The following POLE variants were observed in gnomAD, a reference collection of about 807,000 sequenced individuals.
POLE encodes DNA polymerase epsilon, catalytic subunit, also known as DNA polymerase epsilon catalytic subunit A.
Under a neutral mutation model 279.2 loss-of-function variants are expected in POLE, and 188 were observed. The ratio of observed to expected loss-of-function variants is 0.67; its 90% CI spans 0.60 to 0.76. The LOEUF is 0.76. Among genes scored for constraint, POLE ranks in the 30% least tolerant of loss-of-function variants. The pLI is 0.00. For synonymous variants in POLE, 1,214 were observed against 1,172.5 expected, an observed-to-expected ratio of 1.04 and a Z score of -0.72; for missense variants, 2,703 against 3,016.7, an observed-to-expected ratio of 0.90 and a Z score of 2.44.
intron 45 of POLE, among the ~76,000 whole-genome samples, chr12:132,627,192 G>A (rs2138436344): frequency 6.6e-6 from 1 of 151,958 alleles, no homozygotes; most frequent in South Asian, 2.1e-4. Flanking sequence ...CTGAAGCAGG[G>A]AATCGCTTGA....
At chr12:132,674,297 CCCGCAGCCTCCACCCT>C (rs1406189414) in intron 12 of POLE, among the ~76,000 whole-genome samples, 2 of 152,220 alleles carry the variant, frequency 1.3e-5, no homozygotes, top group African/African-American at 4.8e-5. Context: ...GTCTCCACCC[CCCGCAGCCTCCACCCT>C]GTGGCCTTCT....
chr12:132,632,225 G>C (rs1220299500), intron 45 of POLE, 90 bp downstream of exon 45: 20 of 980,870 alleles, frequency 2.0e-5, no homozygotes, highest in Non-Finnish European at 1.3e-5. Context: ...CATGGTGCAC[G>C]CATTACAGCC....
In POLE at chr12:132,676,229, C is replaced by T. The variant is rs377246932; in HGVS notation, c.910-25G>A. The T allele has an allele frequency of 3.3e-6, 5 of 1,518,228 alleles. No individual in the cohort carries two copies. The African/African-American group carries it at 4.1e-5, about 12-fold the overall frequency. 94.0% of individuals were successfully genotyped at this position (1,518,228 alleles called of 1,614,324 possible). ...CCTAGCCAAGTTCATTAGCAATCAG[C>T]ACAAGTCAGAGGCTGCAAAGCCAAG... On this transcript the variant is annotated intron_variant, in intron 9 of 48. Transcript: ENST00000320574.
Position 132,664,514 on chromosome 12 carries a change from G to C in POLE, c.2469-52C>G. On this transcript the variant is annotated intron_variant, in intron 21 of 48. Coordinates refer to ENST00000320574, the MANE Select transcript of POLE (RefSeq NM_006231.4). The surrounding 1 kb of genome is among the most constrained non-coding windows in gnomAD (Gnocchi z 5.3). Reference sequence around the variant, plus strand: ...TGGGGCTGGCATGGCTCCTCCAGGGGGTATCAGAGGCAGTGAGGAGTAGGG... The same window carrying C: ...TGGGGCTGGCATGGCTCCTCCAGGGCGTATCAGAGGCAGTGAGGAGTAGGG... The C allele has an allele frequency of 7.3e-7, 1 of 1,366,642 alleles. No individual in the cohort carries two copies. 84.7% of individuals were successfully genotyped at this position (1,366,642 alleles called of 1,614,324 possible). A position where few individuals can be genotyped will look rare whatever the true frequency, so the allele number is the denominator to read the frequency against.
rs1555220994 is a variant in POLE at position 132,632,770 on chromosome 12, G to A, written c.6030C>T (p.Cys2010=). The A allele has an allele frequency of 9.9e-6, 16 of 1,611,218 alleles. No individual in the cohort carries two copies. Among genetic ancestry groups the A allele is most frequent in the African/African-American group, 1.3e-5 (1 of 75,030 alleles). ...CACTGCGCCTCAGCCCGTCCTTCAT[G>A]CAGTGGTACACGGCCACGATGTACG... ...VSAYIVAVYH[C]MKDGLRRSAP... Residue 2010 remains cysteine, a synonymous_variant, in exon 44 of 49, where the codon TGC becomes TGT. Transcript: ENST00000320574.
Position 132,649,823 on chromosome 12 carries a change from G to C in POLE, c.3649C>G (p.Leu1217Val). The C allele has an allele frequency of 6.2e-7, 1 of 1,614,138 alleles. No homozygotes were observed. The highest frequency in any genetic ancestry group is 1.3e-5 in the African/African-American group (1 of 75,036). ...GCTGCTGGGTGAGGCAGCTTTACGA[G>C]GCCGAAGTCCTCCATGTCAGGAGCA... is the stretch of plus-strand genomic sequence containing the variant. ...PSAPDMEDFGLVKLPHPAAPV... is the reference protein window; with the variant it reads ...PSAPDMEDFGVVKLPHPAAPV... Residue 1217 changes from leucine (L) to valine (V), a missense_variant, in exon 30 of 49, where the codon CTC becomes GTC. Leu to Val is a conservative substitution (Grantham distance 32). Transcript: ENST00000320574.
rs934958443 is a variant in POLE, at chr12:132,632,707, G to A, written c.6093C>T (p.Ser2031=). The change falls in exon 44 of 49, where the codon AGC becomes AGT. Residue 2031 remains serine (S), a synonymous_variant. Transcript: ENST00000320574. Reference sequence around the variant, plus strand: ...CCCCCTCGGCCTCCTGGGAGAGCTGGCTGGCCCCCCTCCTCCTCACGGGGG... The same window carrying A: ...CCCCCTCGGCCTCCTGGGAGAGCTGACTGGCCCCCCTCCTCCTCACGGGGG... ...GSTPVRRRGA[S]QLSQEAEGAV... is the part of the protein sequence containing the mutation. 2.5e-6 allele frequency: 4 copies of A among 1,613,768 alleles called. No homozygotes were observed. Among genetic ancestry groups the A allele is most frequent in the African/African-American group, 2.7e-5 (2 of 74,902 alleles).
intron 1 of POLE, among the ~76,000 whole-genome samples, 189 bp downstream of exon 1, chr12:132,687,065 T>TAGCGCCTCCGCCCGCCCCG (rs1333597352): frequency 3.3e-5 from 5 of 151,058 alleles, no homozygotes; most frequent in Non-Finnish European, 7.4e-5. Flanking sequence ...GCCGCGCCCG[T>TAGCGCCTCCGCCCGCCCCG]AGCGCCTCCG....
Position 132,675,166 on chromosome 12 carries a change from C to G in POLE, c.1226+232G>C, listed in dbSNP as rs2043016148. Among the ~76,000 whole-genome samples, 1 of 152,342 alleles carries G rather than the reference C, an allele frequency of 6.6e-6. No homozygotes were observed. The highest frequency in any genetic ancestry group is 2.4e-5 in the African/African-American group (1 of 41,582). ...CGTCTTTCCAGCGGCTTCCCCACCC[C>G]AGAGGCTGATGCTCAATGTGCCTGG... On this transcript the variant is annotated intron_variant, in intron 12 of 48. Transcript: ENST00000320574. The surrounding 1 kb of genome is among the most constrained non-coding windows in gnomAD (Gnocchi z 4.3).
chr12:132,641,688 C>A lies in POLE; in HGVS notation c.5337G>T (p.Pro1779=), dbSNP rs749991080. Residue 1779 remains proline, a synonymous_variant, in exon 39 of 49, where the codon CCG becomes CCT. Transcript: ENST00000320574. ...ACAGGGCTGTCTCATCGTAGCTGGCCGGGGCACTGGCAGCCTGACCACCCG... is the reference window on the plus strand; with the variant it reads ...ACAGGGCTGTCTCATCGTAGCTGGCAGGGGCACTGGCAGCCTGACCACCCG... ...MITGGQAASA[P]ASYDETALCS... 1 of 1,613,966 alleles carries A rather than the reference C, an allele frequency of 6.2e-7. No individual in the cohort carries two copies. The highest frequency in any genetic ancestry group is 8.5e-7 in the Non-Finnish European group (1 of 1,180,018).
intron 39 of POLE, chr12:132,641,411 C>G (rs2042137834): frequency 1.7e-6 from 1 of 574,202 alleles, no homozygotes; most frequent in Admixed American, 3.0e-5. Context: ...GTGTGAAGTA[C>G]CTCTGGCCAC....
At chr12:132,662,703 C>T (rs955193883) in intron 23 of POLE, among the ~76,000 whole-genome samples, 2 of 152,084 alleles carry the variant, frequency 1.3e-5, no homozygotes, top group Non-Finnish European at 2.9e-5. Context: ...GGCTGGTGGA[C>T]CTTACAGTAC....
At chr12:132,686,096 C>T (rs1593096229) in intron 1 of POLE, among the ~76,000 whole-genome samples, 2 of 151,998 alleles carry the variant, frequency 1.3e-5, no homozygotes, top group African/African-American at 4.8e-5. Context: ...AGGCTGGTCT[C>T]GAACTCCTGA....
intron 45 of POLE, among the ~76,000 whole-genome samples, chr12:132,630,330 A>C (rs566784878): frequency 1.8e-4 from 27 of 152,340 alleles, no homozygotes; most frequent in Admixed American, 1.2e-3. Flanking sequence ...CTGCAATCAG[A>C]TATCCCATGC....
At chr12:132,681,470 A>T (rs2043167594) in intron 1 of POLE, among the ~76,000 whole-genome samples, 191 bp from the exon 2 acceptor site, 1 of 151,600 alleles carries the variant, frequency 6.6e-6, no homozygotes. Context: ...CAGCCTCCCG[A>T]GTAGCTGGGA....
intron 29 of POLE, among the ~76,000 whole-genome samples, chr12:132,654,126 A>G (rs1261427514): frequency 2.0e-5 from 3 of 150,650 alleles, no homozygotes; most frequent in Non-Finnish European, 4.4e-5. Context: ...ATGTTACCAA[A>G]GTAACAAGGA....
rs2043038909 is a variant in POLE, at chr12:132,675,845, A to C, written c.1021-25T>G. 1 of 1,563,052 alleles carries C rather than the reference A, an allele frequency of 6.4e-7. No individual in the cohort carries two copies. The highest frequency in any genetic ancestry group is 1.7e-5 in the Admixed American group (1 of 59,890). ...CCTGAACCCAAGTCACAGCAGTCAG[A>C]GGTCTGCTCTTTCTCTTCTTCAAGC... On this transcript the variant is annotated intron_variant, in intron 10 of 48. Coordinates refer to ENST00000320574, the MANE Select transcript of POLE (RefSeq NM_006231.4). This position sits in a 1 kb window ranked among gnomAD's most constrained non-coding sequence, Gnocchi z 4.3.
intron 41 of POLE, among the ~76,000 whole-genome samples, chr12:132,636,507 G>C (rs2042038250): frequency 6.9e-6 from 1 of 145,784 alleles, no homozygotes; most frequent in Admixed American, 6.9e-5. Context: ...TGTAATCCTA[G>C]CACTTTGGGA....
In POLE at chr12:132,687,253, C is replaced by A. The variant is rs1565986506; in HGVS notation, c.62+1G>T. On this transcript the variant is annotated splice_donor_variant, in intron 1 of 48. Transcript: ENST00000320574. LOFTEE classifies it high-confidence loss of function. Reference sequence around the variant, plus strand: ...GAGAGCCTCAGGAGGGCGCCCCTCACCTGCTGGCCTCGCCATCCGCGCCTG... The same window carrying A: ...GAGAGCCTCAGGAGGGCGCCCCTCAACTGCTGGCCTCGCCATCCGCGCCTG... 1 of 1,497,244 alleles carries A rather than the reference C, an allele frequency of 6.7e-7. No individual in the cohort carries two copies. The highest frequency in any genetic ancestry group is 8.9e-7 in the Non-Finnish European group (1 of 1,125,736). The allele number at this position is 1,497,244 out of a possible 1,614,324, so 92.7% of individuals were successfully genotyped here.
Sources: gnomAD v4.1 joint callset for allele counts (sites outside exome capture counted in the v4.1 genomes callset) on GRCh38, gnomAD v4.1.1 for gene constraint, Gnocchi (gnomAD v3.1) non-coding constraint, MANE v1.5 for transcripts, NCBI Gene and HGNC (gene_info 2026-07-23, HGNC 2026-07-21) for gene names.